The following C6orf118 variants were observed in gnomAD, a reference collection of about 807,000 sequenced individuals.
C6orf118 encodes the protein chromosome 6 open reading frame 118, also known as uncharacterized protein C6orf118.
In C6orf118, 50 loss-of-function variants were observed where a neutral mutation model predicts 50.2. The observed-to-expected ratio is 1.00, with a 90% confidence interval of 0.79 to 1.26. C6orf118 has a LOEUF of 1.26. C6orf118 is among the 50% of genes most tolerant of loss of function. The probability of loss-of-function intolerance (pLI) is 0.00; values close to 1 mark genes in which losing one functional copy is unlikely to be tolerated. For synonymous variants in C6orf118, 239 were observed against 230.9 expected (o/e 1.03, Z -0.32); for missense variants, 641 against 578.7 (o/e 1.11, Z -1.10).
In C6orf118 at chr6:165,301,999, GCCT is replaced by G. The variant is rs750488838; in HGVS notation, c.320_322del (p.Glu107del). ...CGTGTGGATGGTGAAGTGGGCCAGGGCCTCCTTCATCCTCGCCACCTTCCCTGC... is the reference window on the plus strand; with the variant it reads ...CGTGTGGATGGTGAAGTGGGCCAGGGCCTTCATCCTCGCCACCTTCCCTGC... On this transcript the variant is annotated inframe_deletion, in exon 2 of 9. Coordinates refer to ENST00000230301, the MANE Select transcript of C6orf118 (RefSeq NM_144980.4). 3 of 1,613,454 alleles carry G rather than the reference GCCT, an allele frequency of 1.9e-6. No individual in the cohort carries two copies. Among genetic ancestry groups the G allele is most frequent in the Non-Finnish European group, 2.5e-6 (3 of 1,179,966 alleles).
At chr6:165,298,427 A>T (rs1005880510) in intron 4 of C6orf118, among the ~76,000 whole-genome samples, 2 of 152,228 alleles carry the variant, frequency 1.3e-5, no homozygotes, top group African/African-American at 2.4e-5. Flanking sequence ...TGTCAGTGGC[A>T]CCGCAATCGT....
chr6:165,298,380 G>A (rs1780391564), intron 4 of C6orf118, among the ~76,000 whole-genome samples: 3 of 152,184 alleles, frequency 2.0e-5, no homozygotes, highest in African/African-American at 7.2e-5. Flanking sequence ...GCCCGTGTGG[G>A]GGGAAGGACA....
rs377085936 is a variant in C6orf118 at position 165,309,284 on chromosome 6, C to G, written c.25+278G>C. On this transcript the variant is annotated intron_variant, in intron 1 of 8. Transcript: ENST00000230301. ...CTCCTCTTCAGGCTTCCGGAGACTC[C>G]AACACACGGCGCGTCCGTCCGCGCA... 1.1e-3 allele frequency among the ~76,000 whole-genome samples: 160 copies of G among 152,322 alleles called. 1 individual carries two copies. In the East Asian group the frequency reaches 0.018, roughly 17 times the overall value.
intron 2 of C6orf118, 30 bp from the exon 3 acceptor site, chr6:165,300,516 AG>A: frequency 6.3e-7 from 1 of 1,589,682 alleles, no homozygotes; most frequent in South Asian, 1.1e-5. Flanking sequence ...AGCCCATTTC[AG>A]GGTGGCTTCA....
At position 165,302,135 on chromosome 6, in the gene C6orf118, G is replaced by A; in HGVS notation, c.187C>T (p.His63Tyr). ...TGGTAGAGCTTGTTGGGGTTCAGGT[G>A]TCCAGAGATGTAGAGGTAGACGTCC... is the stretch of plus-strand genomic sequence containing the variant. ...REDVYLYISG[H>Y]LNPNKLYQPP... The change falls in exon 2 of 9, where the codon CAC becomes TAC. Residue 63 changes from histidine to tyrosine, a missense_variant. Coordinates refer to ENST00000230301, the MANE Select transcript of C6orf118 (RefSeq NM_144980.4). 6.2e-7 allele frequency: 1 copy of A among 1,613,528 alleles called. No individual in the cohort carries two copies. The highest frequency in any genetic ancestry group is 8.5e-7 in the Non-Finnish European group (1 of 1,179,996).
chr6:165,294,017 C>A (rs113502333), intron 5 of C6orf118, among the ~76,000 whole-genome samples: 1 of 152,102 alleles, frequency 6.6e-6, no homozygotes, highest in East Asian at 1.9e-4. Flanking sequence ...GAGGCTGAGG[C>A]GGGCAGATCA....
At chr6:165,290,990 C>T (rs189225342) in intron 6 of C6orf118, among the ~76,000 whole-genome samples, 73 of 152,178 alleles carry the variant, frequency 4.8e-4, no homozygotes, top group South Asian at 2.3e-3. Context: ...ATGAGAAATA[C>T]GCAAAAGGGG....
intron 4 of C6orf118, 141 bp from the exon 5 acceptor site, chr6:165,298,242 T>G: frequency 9.0e-7 from 1 of 1,106,816 alleles, no homozygotes; most frequent in Non-Finnish European, 1.2e-6. Flanking sequence ...ATTGGGAGGA[T>G]TTAAGGGAGG....
intron 1 of C6orf118, among the ~76,000 whole-genome samples, chr6:165,303,186 C>A (rs554536677): frequency 2.0e-5 from 3 of 152,176 alleles, no homozygotes; most frequent in African/African-American, 7.2e-5. Flanking sequence ...CCTGAGTCAA[C>A]CAAGGCGGCT....
chr6:165,309,491 A>C, intron 1 of C6orf118, 71 bp downstream of exon 1: 2 of 1,521,876 alleles, frequency 1.3e-6, no homozygotes. Context: ...CAGTCTTCAG[A>C]AGCCCATCCC....
Position 165,301,882 on chromosome 6 carries a change from A to C in C6orf118, c.440T>G (p.Leu147Arg), listed in dbSNP as rs1319594078. 1 of 1,613,818 alleles carries C rather than the reference A, an allele frequency of 6.2e-7. No individual in the cohort carries two copies. ...CCCCTCTCTGACAGCCTCCACTGGA[A>C]GGAAATCCTCCTCTGAAGTGTGGGA... is the stretch of plus-strand genomic sequence containing the variant. ...SLSHTSEEDF[L>R]PVEAVREGKE... Residue 147 changes from leucine to arginine, a missense_variant, in exon 2 of 9, where the codon CTT becomes CGT. By Grantham distance (102) the Leu-to-Arg change is moderately radical (BLOSUM62 -2). Coordinates refer to ENST00000230301, the MANE Select transcript of C6orf118 (RefSeq NM_144980.4).
chr6:165,295,585 G>A (rs143640692), intron 5 of C6orf118, among the ~76,000 whole-genome samples: 105 of 152,106 alleles, frequency 6.9e-4, no homozygotes, highest in African/African-American at 2.3e-3. Flanking sequence ...ATGTGAGATT[G>A]CTAATTCAAA....
At position 165,298,106 on chromosome 6, in the gene C6orf118, G is replaced by A. The variant is rs372233292; in HGVS notation, c.937-5C>T. The A allele has an allele frequency of 3.8e-6, 6 of 1,586,210 alleles. No homozygotes were observed. The African/African-American group carries it at 5.4e-5, about 14-fold the overall frequency. On this transcript the variant is annotated splice_polypyrimidine_tract_variant and splice_region_variant and intron_variant, in intron 4 of 8. Transcript: ENST00000230301. ...CTTGAGTTGAGCCAGAAGAGCCTAGGCAGGACCAGGTACATGAGGTGAGAC... is the reference window on the plus strand; with the variant it reads ...CTTGAGTTGAGCCAGAAGAGCCTAGACAGGACCAGGTACATGAGGTGAGAC...
intron 7 of C6orf118, among the ~76,000 whole-genome samples, chr6:165,289,090 C>G (rs1202158415): frequency 6.6e-6 from 1 of 151,428 alleles, no homozygotes; most frequent in East Asian, 1.9e-4. Context: ...TAATTTTCTT[C>G]TAAAACAGGG....
At chr6:165,282,402 T>C (rs1779758391) in intron 7 of C6orf118, among the ~76,000 whole-genome samples, 2 of 152,120 alleles carry the variant, frequency 1.3e-5, no homozygotes, top group African/African-American at 4.8e-5. Flanking sequence ...GTATTAGCAA[T>C]TTTAGTAGTT....
chr6:165,292,143 T>C (rs1780126114), intron 6 of C6orf118, among the ~76,000 whole-genome samples: 1 of 152,084 alleles, frequency 6.6e-6, no homozygotes, highest in Non-Finnish European at 1.5e-5. Flanking sequence ...CCCAAAACCA[T>C]CAGCTGAGTT....
In C6orf118 at chr6:165,309,191, G is replaced by A. The variant is rs562290969; in HGVS notation, c.25+371C>T. Among the ~76,000 whole-genome samples the A allele has an allele frequency of 2.0e-3, 301 of 152,380 alleles. 1 individual carries two copies. The highest frequency in any genetic ancestry group is 7.0e-3 in the African/African-American group (291 of 41,602). On this transcript the variant is annotated intron_variant, in intron 1 of 8. Transcript: ENST00000230301. ...AAGGCAGCATGCCAGGGAATGCTCT[G>A]AAGTGCGGCTTTTTAAAATCACCCT...
intron 5 of C6orf118, among the ~76,000 whole-genome samples, chr6:165,295,639 T>C (rs893232273): frequency 1.0e-4 from 12 of 119,572 alleles, no homozygotes; most frequent in Middle Eastern, 3.8e-3. Flanking sequence ...TATTTTATTA[T>C]TGATTTATTG....
At chr6:165,306,474 TAA>T (rs200571884) in intron 1 of C6orf118, among the ~76,000 whole-genome samples, 6 of 100,324 alleles carry the variant, frequency 6.0e-5, no homozygotes, top group South Asian at 3.5e-4. Flanking sequence ...TAGAGTATAA[TAA>T]AAAAAAATTA....
Sources: allele counts gnomAD v4.1 joint callset (sites outside exome capture counted in the v4.1 genomes callset), GRCh38; gene constraint gnomAD v4.1.1; transcripts MANE v1.5; gene names NCBI Gene and HGNC (gene_info 2026-07-23, HGNC 2026-07-21).